Variants in CEMP1 observed in about 807,000 individuals in gnomAD.
CEMP1 encodes the protein cementoblastoma-derived protein 1.
For synonymous variants in CEMP1, 161 were observed against 128.6 expected, an observed-to-expected ratio of 1.25 and a Z score of -1.71; for missense variants, 387 against 316.9, an observed-to-expected ratio of 1.22 and a Z score of -1.68.
In CEMP1 at chr16:2,530,418, G is replaced by A; in HGVS notation, c.656C>T (p.Ser219Leu). Residue 219 changes from serine (S) to leucine (L), a missense_variant, in exon 1 of 1, where the codon TCA (serine) becomes TTA (leucine). Physicochemically the swap from Ser to Leu is moderately radical, Grantham distance 145. Coordinates refer to ENST00000567119, the MANE Select transcript of CEMP1 (RefSeq NM_001048212.3). ...GCAAACACGGGCCGTGAGGCTCCCT[G>A]AACAGCTTCGAGGCGGGTGGGCTTC... is the stretch of plus-strand genomic sequence containing the variant. The part of the protein sequence containing the change: ...APEAHPPRSC[S>L]GSLTARVCHM... 6.2e-7 allele frequency: 1 copy of A among 1,614,172 alleles called. No homozygotes were observed. Among genetic ancestry groups the A allele is most frequent in the Non-Finnish European group, 8.5e-7 (1 of 1,180,024 alleles).
At position 2,530,870 on chromosome 16, in the gene CEMP1, T is replaced by C. The variant is rs773108906; in HGVS notation, c.204A>G (p.Ala68=). 87 of 1,613,326 alleles carry C rather than the reference T, an allele frequency of 5.4e-5. No individual in the cohort carries two copies. Among genetic ancestry groups the C allele is most frequent in the Non-Finnish European group, 7.2e-5 (85 of 1,179,964 alleles). Residue 68 remains alanine, a synonymous_variant, in exon 1 of 1, where the codon GCA becomes GCG. Coordinates refer to ENST00000567119, the MANE Select transcript of CEMP1 (RefSeq NM_001048212.3). ...AAVKAEVGIP[A]PHTSQEVRIH... is the part of the protein sequence containing the mutation. ...TCCTGACCTCCTGAGAGGTGTGAGGTGCAGGGATACCCACCTCTGCCTTGA... is the reference window on the plus strand; with the variant it reads ...TCCTGACCTCCTGAGAGGTGTGAGGCGCAGGGATACCCACCTCTGCCTTGA...
Position 2,530,897 on chromosome 16 carries a change from G to T in CEMP1, c.177C>A (p.Ala59=), listed in dbSNP as rs375338784. The part of the protein sequence containing the change: ...AGQPLPKGCA[A]VKAEVGIPAP... ...CAGGGATACCCACCTCTGCCTTGAC[G>T]GCCGCGCACCCCTTAGGAAGTGGCT... The change falls in exon 1 of 1, where the codon GCC becomes GCA. Residue 59 remains alanine, a synonymous_variant. Transcript: ENST00000567119. 6.2e-7 allele frequency: 1 copy of T among 1,613,504 alleles called. No homozygotes were observed. Among genetic ancestry groups the T allele is most frequent in the Non-Finnish European group, 8.5e-7 (1 of 1,179,968 alleles).
chr16:2,531,204 C>T lies in CEMP1; in HGVS notation c.-131G>A. ...CATTCACCGGCCAGCGCCCCACCTC[C>T]CTGGCTGGAGGGTCGGGGAGGGGCT... On this transcript the variant is annotated 5_prime_UTR_variant, in exon 1 of 1. Coordinates refer to ENST00000567119, the MANE Select transcript of CEMP1 (RefSeq NM_001048212.3). 2 of 1,254,590 alleles carry T rather than the reference C, an allele frequency of 1.6e-6. No individual in the cohort carries two copies. Among genetic ancestry groups the T allele is most frequent in the Non-Finnish European group, 2.2e-6 (2 of 915,490 alleles). The allele number at this position is 1,254,590 out of a possible 1,614,324, so 77.7% of individuals were successfully genotyped here.
At position 2,530,449 on chromosome 16, in the gene CEMP1, C is replaced by A. The variant is rs1354541612; in HGVS notation, c.625G>T (p.Ala209Ser). Residue 209 changes from alanine (A) to serine (S), a missense_variant, in exon 1 of 1, where the codon GCT (alanine) becomes TCT (serine). Coordinates refer to ENST00000567119, the MANE Select transcript of CEMP1 (RefSeq NM_001048212.3). The part of the protein sequence containing the change: ...PTVAVLRAKR[A>S]PEAHPPRSCS... ...CTTCGAGGCGGGTGGGCTTCTGGAG[C>A]CCTCTTGGCTCTGAGGACAGCCACA... The A allele has an allele frequency of 1.9e-6, 3 of 1,614,076 alleles. No homozygotes were observed. The South Asian group carries it at 3.3e-5, about 18-fold the overall frequency.
chr16:2,531,378 A>G lies in CEMP1; in HGVS notation c.-305T>C. ...TTGGTTGGTTTTGGTTTGCTTTTTA[A>G]AAATTGTGGTAAAATACATAACAAA... On this transcript the variant is annotated 5_prime_UTR_variant, in exon 1 of 1. Coordinates refer to ENST00000567119, the MANE Select transcript of CEMP1 (RefSeq NM_001048212.3). The G allele has an allele frequency of 2.0e-6, 1 of 503,946 alleles. No individual in the cohort carries two copies. The allele number at this position is 503,946 out of a possible 1,614,324, so 31.2% of individuals were successfully genotyped here. A position where few individuals can be genotyped will look rare whatever the true frequency, so the allele number is the denominator to read the frequency against.
At position 2,530,462 on chromosome 16, in the gene CEMP1, G is replaced by A. The variant is rs776043977; in HGVS notation, c.612C>T (p.Leu204=). The change falls in exon 1 of 1, where the codon CTC becomes CTT. Residue 204 remains leucine (L), a synonymous_variant. Coordinates refer to ENST00000567119, the MANE Select transcript of CEMP1 (RefSeq NM_001048212.3). ...GGGCTTCTGGAGCCCTCTTGGCTCT[G>A]AGGACAGCCACAGTGGGGTCAGACG... The part of the protein sequence containing the change: ...SLTSDPTVAV[L]RAKRAPEAHP... The A allele has an allele frequency of 1.2e-5, 20 of 1,614,152 alleles. No individual in the cohort carries two copies. In the Admixed American group the frequency reaches 3.3e-4, roughly 27 times the overall value.
rs767554304 is a variant in CEMP1 at position 2,530,494 on chromosome 16, A to G, written c.580T>C (p.Ser194Pro). Residue 194 changes from serine (S) to proline (P), a missense_variant, in exon 1 of 1, where the codon TCC becomes CCC. Physicochemically the swap from Ser to Pro is moderately conservative, Grantham distance 74 (BLOSUM62 -1). Coordinates refer to ENST00000567119, the MANE Select transcript of CEMP1 (RefSeq NM_001048212.3). ...GCCACAGTGGGGTCAGACGTCAGGG[A>G]TTGGTGCAGCCCCACGTCAGGGGTG... is the stretch of plus-strand genomic sequence containing the variant. ...TITPDVGLHQ[S>P]LTSDPTVAVL... 2 of 1,614,058 alleles carry G rather than the reference A, an allele frequency of 1.2e-6. No homozygotes were observed. The highest frequency in any genetic ancestry group is 2.7e-5 in the African/African-American group (2 of 75,052).
At position 2,530,047 on chromosome 16, in the gene CEMP1, T is replaced by A. The variant is rs1437109294; in HGVS notation, c.*283A>T. Reference sequence around the variant, plus strand: ...AGTGTGGACAGTCAGGGGTTTGCTTTCTGCTCCTGAGTTGGGGTGTGCAGC... The same window carrying A: ...AGTGTGGACAGTCAGGGGTTTGCTTACTGCTCCTGAGTTGGGGTGTGCAGC... On this transcript the variant is annotated 3_prime_UTR_variant, in exon 1 of 1. Transcript: ENST00000567119. The A allele has an allele frequency of 6.2e-6, 5 of 808,852 alleles. No homozygotes were observed. The highest frequency in any genetic ancestry group is 9.4e-6 in the Non-Finnish European group (5 of 533,634). The allele number at this position is 808,852 out of a possible 1,614,324, so 50.1% of individuals were successfully genotyped here.
chr16:2,530,500 G>A lies in CEMP1; in HGVS notation c.574C>T (p.His192Tyr), dbSNP rs372048056. ...VKTITPDVGL[H>Y]QSLTSDPTVA... The stretch of plus-strand genomic sequence containing the variant: ...GTGGGGTCAGACGTCAGGGATTGGT[G>A]CAGCCCCACGTCAGGGGTGATTGTC... The change falls in exon 1 of 1, where the codon CAC becomes TAC. Residue 192 changes from histidine to tyrosine, a missense_variant. Coordinates refer to ENST00000567119, the MANE Select transcript of CEMP1 (RefSeq NM_001048212.3). The A allele has an allele frequency of 1.2e-6, 2 of 1,614,016 alleles. No individual in the cohort carries two copies. Among genetic ancestry groups the A allele is most frequent in the African/African-American group, 2.7e-5 (2 of 74,944 alleles).
rs764415933 is a variant in CEMP1, at chr16:2,530,237, A to C, written c.*93T>G. 1.4e-5 allele frequency: 22 copies of C among 1,592,622 alleles called. No homozygotes were observed. The highest frequency in any genetic ancestry group is 3.4e-5 in the South Asian group (3 of 89,014). ...TCTGTTTTCTCTTCTCAATAACCCT[A>C]TCTCTTCACACATCCCCAGGCCCAG... On this transcript the variant is annotated 3_prime_UTR_variant, in exon 1 of 1. Coordinates refer to ENST00000567119, the MANE Select transcript of CEMP1 (RefSeq NM_001048212.3).
chr16:2,531,089 A>G lies in CEMP1; in HGVS notation c.-16T>C, dbSNP rs774882607. 6 of 1,571,912 alleles carry G rather than the reference A, an allele frequency of 3.8e-6. No homozygotes were observed. In the East Asian group the frequency reaches 1.4e-4, roughly 35 times the overall value. On this transcript the variant is annotated 5_prime_UTR_variant, in exon 1 of 1. Coordinates refer to ENST00000567119, the MANE Select transcript of CEMP1 (RefSeq NM_001048212.3). The stretch of plus-strand genomic sequence containing the variant: ...ATGTGCCCATCCTCAGCTAAAACCC[A>G]GAGCTGGCATGTTGGTCATCCCCAC...
Position 2,530,671 on chromosome 16 carries a change from A to G in CEMP1, c.403T>C (p.Trp135Arg). The G allele has an allele frequency of 6.2e-7, 1 of 1,614,118 alleles. No individual in the cohort carries two copies. Among genetic ancestry groups the G allele is most frequent in the Non-Finnish European group, 8.5e-7 (1 of 1,180,006 alleles). Residue 135 changes from tryptophan to arginine, a missense_variant, in exon 1 of 1, where the codon TGG becomes CGG. By Grantham distance (101) the Trp-to-Arg change is moderately radical. Coordinates refer to ENST00000567119, the MANE Select transcript of CEMP1 (RefSeq NM_001048212.3). ...GAQTILSLWT[W>R]RHFLNWALQQ... Reference sequence around the variant, plus strand: ...AAAGCCCAGTTAAGGAAATGTCTCCAGGTCCAAAGAGATAGGATGGTCTGG... The same window carrying G: ...AAAGCCCAGTTAAGGAAATGTCTCCGGGTCCAAAGAGATAGGATGGTCTGG...
At chr16:2,531,405 GTAAC>G (rs1253825023) in exon 1 of CEMP1, 6 of 505,524 alleles carry the variant, frequency 1.2e-5, no homozygotes, top group African/African-American at 5.7e-5. Context: ...CATAACAAAA[GTAAC>G]TATCGTAACC....
In CEMP1 at chr16:2,530,051, C is replaced by G. The variant is rs1451982060; in HGVS notation, c.*279G>C. The G allele has an allele frequency of 2.4e-6, 2 of 821,218 alleles. No homozygotes were observed. The highest frequency in any genetic ancestry group is 3.7e-6 in the Non-Finnish European group (2 of 544,942). The allele number at this position is 821,218 out of a possible 1,614,324, so 50.9% of individuals were successfully genotyped here. On this transcript the variant is annotated 3_prime_UTR_variant, in exon 1 of 1. Coordinates refer to ENST00000567119, the MANE Select transcript of CEMP1 (RefSeq NM_001048212.3). ...TGGACAGTCAGGGGTTTGCTTTCTG[C>G]TCCTGAGTTGGGGTGTGCAGCGTGG... is the stretch of plus-strand genomic sequence containing the variant.
In CEMP1 at chr16:2,530,830, G is replaced by A. The variant is rs2066082935; in HGVS notation, c.244C>T (p.Leu82=). The change falls in exon 1 of 1, where the codon CTG becomes TTG. Residue 82 remains leucine (L), a synonymous_variant. Coordinates refer to ENST00000567119, the MANE Select transcript of CEMP1 (RefSeq NM_001048212.3). ...SQEVRIHIRR[L]LSWAAPGACG... is the part of the protein sequence containing the mutation. ...GCCCCAGGGGCAGCCCAGGAAAGCA[G>A]GCGACGGATGTGGATCCTGACCTCC... 4 of 1,613,698 alleles carry A rather than the reference G, an allele frequency of 2.5e-6. No homozygotes were observed. In the African/African-American group the frequency reaches 4.0e-5, roughly 16 times the overall value.
rs776419367 is a variant in CEMP1 at position 2,530,800 on chromosome 16, C to T, written c.274G>A (p.Gly92Arg). The change falls in exon 1 of 1, where the codon GGG becomes AGG. Residue 92 changes from glycine (G) to arginine (R), a missense_variant. Coordinates refer to ENST00000567119, the MANE Select transcript of CEMP1 (RefSeq NM_001048212.3). ...LLSWAAPGAC[G>R]LRSTPCALPQ... ...AGGGCACAAGGGGTTGATCTCAGCCCACAAGCCCCAGGGGCAGCCCAGGAA... is the reference window on the plus strand; with the variant it reads ...AGGGCACAAGGGGTTGATCTCAGCCTACAAGCCCCAGGGGCAGCCCAGGAA... The T allele has an allele frequency of 1.5e-5, 25 of 1,613,618 alleles. 1 individual carries two copies. In the South Asian group the frequency reaches 2.1e-4, roughly 13 times the overall value.
chr16:2,530,053 C>T lies in CEMP1; in HGVS notation c.*277G>A. The T allele has an allele frequency of 1.2e-6, 1 of 828,614 alleles. No individual in the cohort carries two copies. Among genetic ancestry groups the T allele is most frequent in the Non-Finnish European group, 1.8e-6 (1 of 551,794 alleles). The allele number at this position is 828,614 out of a possible 1,614,324, so 51.3% of individuals were successfully genotyped here. A position where few individuals can be genotyped will look rare whatever the true frequency, so the allele number is the denominator to read the frequency against. ...GACAGTCAGGGGTTTGCTTTCTGCT[C>T]CTGAGTTGGGGTGTGCAGCGTGGAG... On this transcript the variant is annotated 3_prime_UTR_variant, in exon 1 of 1. Coordinates refer to ENST00000567119, the MANE Select transcript of CEMP1 (RefSeq NM_001048212.3).
At position 2,531,109 on chromosome 16, in the gene CEMP1, C is replaced by A; in HGVS notation, c.-36G>T. 1.3e-6 allele frequency: 2 copies of A among 1,544,084 alleles called. No homozygotes were observed. The highest frequency in any genetic ancestry group is 1.8e-6 in the Non-Finnish European group (2 of 1,134,796). ...AACCCAGAGCTGGCATGTTGGTCAT[C>A]CCCACCTCAGACGGGACGCCCAGTC... On this transcript the variant is annotated 5_prime_UTR_variant, in exon 1 of 1. Coordinates refer to ENST00000567119, the MANE Select transcript of CEMP1 (RefSeq NM_001048212.3).
Position 2,530,983 on chromosome 16 carries a change from G to T in CEMP1, c.91C>A (p.Leu31Met). 1 of 1,613,322 alleles carries T rather than the reference G, an allele frequency of 6.2e-7. No homozygotes were observed. Among genetic ancestry groups the T allele is most frequent in the Non-Finnish European group, 8.5e-7 (1 of 1,179,836 alleles). The part of the protein sequence containing the change: ...TSAENLTCLS[L>M]PGSPGKTAPL... Reference sequence around the variant, plus strand: ...GCTGTCTTGCCAGGGCTCCCAGGCAGGGAGAGGCAGGTGAGGTTCTCAGCC... The same window carrying T: ...GCTGTCTTGCCAGGGCTCCCAGGCATGGAGAGGCAGGTGAGGTTCTCAGCC... The change falls in exon 1 of 1, where the codon CTG (leucine) becomes ATG (methionine). Residue 31 changes from leucine to methionine, a missense_variant. Coordinates refer to ENST00000567119, the MANE Select transcript of CEMP1 (RefSeq NM_001048212.3).
Sources: allele counts gnomAD v4.1 joint callset, GRCh38; gene constraint gnomAD v4.1.1; transcripts MANE v1.5; gene names NCBI Gene and HGNC (gene_info 2026-07-23, HGNC 2026-07-21).